Variants in OR5D3 observed in about 807,000 individuals in gnomAD.
The protein encoded by OR5D3 is olfactory receptor 5D3.
At chr11:55,728,720 C>CCAACTTACATGTCTATG in the OR5D3 span, 4 of 152,042 alleles carry the variant, frequency 2.6e-5, no homozygotes, top group Admixed American at 2.0e-4. Flanking sequence ...ATGCTTTACA[C>CCAACTTACATGTCTATG]CAACTTACAT....
chr11:55,728,095 A>G, the OR5D3 span: 5 of 152,190 alleles, frequency 3.3e-5, 1 homozygote, highest in African/African-American at 1.2e-4. Flanking sequence ...GGGTAACTAG[A>G]TCAGCTACCT....
chr11:55,727,850 A>G, the OR5D3 span: 2 of 152,034 alleles, frequency 1.3e-5, no homozygotes, highest in African/African-American at 4.8e-5. Context: ...GTAAGAAATA[A>G]TATAGAGGAA....
the OR5D3 span, among the ~76,000 whole-genome samples, chr11:55,724,856 G>A: frequency 6.6e-6 from 1 of 152,030 alleles, no homozygotes; most frequent in Non-Finnish European, 1.5e-5. Flanking sequence ...GGAAATTGCT[G>A]AGTAATTGGT....
chr11:55,729,375 CT>C, the OR5D3 span: 5 of 151,776 alleles, frequency 3.3e-5, no homozygotes, highest in Non-Finnish European at 5.9e-5. Context: ...ATAAATGTGA[CT>C]TTTTTCCCAT....
At chr11:55,724,389 AG>A in the OR5D3 span, among the ~76,000 whole-genome samples, 1 of 152,120 alleles carries the variant, frequency 6.6e-6, no homozygotes, top group Admixed American at 6.5e-5. Context: ...TGTAAATGAT[AG>A]GATATGGTTT....
chr11:55,724,560 C>A, the OR5D3 span, among the ~76,000 whole-genome samples: 1 of 152,034 alleles, frequency 6.6e-6, no homozygotes, highest in Non-Finnish European at 1.5e-5. Flanking sequence ...TTTATAATAA[C>A]TTGATACATC....
At chr11:55,728,103 C>A in the OR5D3 span, 56 of 152,156 alleles carry the variant, frequency 3.7e-4, 1 homozygote, top group African/African-American at 1.3e-3. Flanking sequence ...AGATCAGCTA[C>A]CTTTGGAACT....
the OR5D3 span, among the ~76,000 whole-genome samples, chr11:55,725,798 A>G: frequency 7.2e-5 from 11 of 152,174 alleles, no homozygotes; most frequent in Non-Finnish European, 2.9e-5. Flanking sequence ...ATTTGTTAAG[A>G]GTTGTAAGTT....
chr11:55,725,240 A>C, the OR5D3 span, among the ~76,000 whole-genome samples: 1 of 152,018 alleles, frequency 6.6e-6, no homozygotes. Context: ...ACTGATTTAA[A>C]TTTTATATCA....
At chr11:55,726,643 T>A in the OR5D3 span, 3 of 400,474 alleles carry the variant, frequency 7.5e-6, no homozygotes, top group Non-Finnish European at 1.3e-5. Context: ...TTGCTCCTTG[T>A]TAGTGGCTGC....
the OR5D3 span, chr11:55,723,993 G>A: frequency 2.5e-6 from 1 of 398,016 alleles, no homozygotes; most frequent in Non-Finnish European, 4.4e-6. Flanking sequence ...CATTATTGGA[G>A]TTCGTTAATT....
chr11:55,725,948 T>A, the OR5D3 span, among the ~76,000 whole-genome samples: 1 of 152,084 alleles, frequency 6.6e-6, no homozygotes, highest in Non-Finnish European at 1.5e-5. Flanking sequence ...TGTCTTATTA[T>A]CTGAAATATA....
chr11:55,727,779 T>A, the OR5D3 span: 1 of 152,034 alleles, frequency 6.6e-6, no homozygotes, highest in African/African-American at 2.4e-5. Flanking sequence ...GCCAATATGA[T>A]TGTGCATGTT....
At chr11:55,729,194 C>G in the OR5D3 span, 5 of 151,836 alleles carry the variant, frequency 3.3e-5, no homozygotes, top group African/African-American at 1.2e-4. Flanking sequence ...CCCAAATTCT[C>G]AAATTATACT....
the OR5D3 span, chr11:55,729,375 CTTTT>C: frequency 6.6e-6 from 1 of 151,896 alleles, no homozygotes; most frequent in Middle Eastern, 3.4e-3. Flanking sequence ...ATAAATGTGA[CTTTT>C]TTCCCATGGA....
the OR5D3 span, chr11:55,723,886 TA>T: frequency 5.2e-6 from 2 of 381,708 alleles, no homozygotes; most frequent in Non-Finnish European, 9.3e-6. Context: ...ATAGGTTGGG[TA>T]AAAAAGTAAC....
chr11:55,723,924 C>A, the OR5D3 span: 1 of 395,400 alleles, frequency 2.5e-6, no homozygotes. Context: ...GAAATATACT[C>A]TCGACACTCC....
the OR5D3 span, chr11:55,726,556 C>A: frequency 4.1e-5 from 17 of 410,172 alleles, no homozygotes; most frequent in East Asian, 6.0e-4. Flanking sequence ...AACATTCATG[C>A]TGGCAGCGAT....
chr11:55,728,508 C>T, the OR5D3 span: 2 of 152,160 alleles, frequency 1.3e-5, no homozygotes, highest in South Asian at 2.1e-4. Flanking sequence ...AATTTGATTG[C>T]CTTAACCAAA....
Sources: allele counts gnomAD v4.1 joint callset (sites outside exome capture counted in the v4.1 genomes callset), GRCh38; gene constraint gnomAD v4.1.1; transcripts MANE v1.5; gene names NCBI Gene and HGNC (gene_info 2026-07-23, HGNC 2026-07-21).